The following PRKAG2 variants were observed in gnomAD, a reference collection of about 807,000 sequenced individuals.
PRKAG2 encodes the protein 5'-AMP-activated protein kinase subunit gamma-2.
In PRKAG2, 26 loss-of-function variants were observed where a neutral mutation model predicts 69.6. The ratio of observed to expected loss-of-function variants is 0.37; its 90% CI spans 0.27 to 0.52. The LOEUF is 0.52. Ranked by LOEUF, PRKAG2 falls within the 20% of genes least tolerant of loss-of-function variation. The pLI is 0.90. For missense variants in PRKAG2, 557 were observed against 740.0 expected, an observed-to-expected ratio of 0.75 and a Z score of 2.87; for synonymous variants, 293 against 285.0, an observed-to-expected ratio of 1.03 and a Z score of -0.28.
At chr7:151,575,549 G>C (rs899025974) in intron 7 of PRKAG2, among the ~76,000 whole-genome samples, 1 of 152,204 alleles carries the variant, frequency 6.6e-6, no homozygotes, top group African/African-American at 2.4e-5. Flanking sequence ...GATAAGTAAC[G>C]ATGGCATTTA....
At chr7:151,685,415 TATA>T (rs1435333430) in intron 3 of PRKAG2, among the ~76,000 whole-genome samples, 1 of 152,222 alleles carries the variant, frequency 6.6e-6, no homozygotes, top group Admixed American at 6.5e-5. Flanking sequence ...GTGTTTAACA[TATA>T]ATGAGTTTAT....
chr7:151,645,574 A>G (rs1183537040), intron 4 of PRKAG2, among the ~76,000 whole-genome samples: 1 of 152,154 alleles, frequency 6.6e-6, no homozygotes, highest in Non-Finnish European at 1.5e-5. Context: ...TAGATAATAC[A>G]ATGGGTTTTA....
At chr7:151,747,974 T>C (rs1354248214) in intron 3 of PRKAG2, among the ~76,000 whole-genome samples, 1 of 148,998 alleles carries the variant, frequency 6.7e-6, no homozygotes, top group Non-Finnish European at 1.5e-5. Flanking sequence ...CGGGGTTGAG[T>C]GCTGTGGCAC....
At chr7:151,729,231 A>G (rs1798518108) in intron 3 of PRKAG2, among the ~76,000 whole-genome samples, 1 of 152,118 alleles carries the variant, frequency 6.6e-6, no homozygotes, top group Admixed American at 6.5e-5. Flanking sequence ...AATTGTGTGA[A>G]CACTGTCCCA....
At chr7:151,670,528 C>T (rs2151459997) in intron 4 of PRKAG2, among the ~76,000 whole-genome samples, 1 of 152,306 alleles carries the variant, frequency 6.6e-6, no homozygotes, top group South Asian at 2.1e-4. Context: ...TATTGCTTTT[C>T]CCTGTTGAAA....
chr7:151,796,454 G>A (rs139281618), intron 1 of PRKAG2, among the ~76,000 whole-genome samples: 14 of 152,324 alleles, frequency 9.2e-5, no homozygotes, highest in Non-Finnish European at 1.9e-4. Flanking sequence ...AGTACGTGAA[G>A]GGCAATCACA....
intron 1 of PRKAG2, among the ~76,000 whole-genome samples, chr7:151,815,329 G>A (rs1179851981): frequency 6.6e-6 from 1 of 152,140 alleles, no homozygotes; most frequent in Non-Finnish European, 1.5e-5. Context: ...TGCCCTCCCA[G>A]GGCTGGGCAA....
intron 5 of PRKAG2, among the ~76,000 whole-genome samples, chr7:151,624,933 G>A (rs543983601): frequency 6.6e-6 from 1 of 152,320 alleles, no homozygotes; most frequent in African/African-American, 2.4e-5. Flanking sequence ...AAGCCTAGGT[G>A]CCACAGTAAA....
At chr7:151,785,832 GC>G (rs549585455) in intron 2 of PRKAG2, among the ~76,000 whole-genome samples, 139 of 152,128 alleles carry the variant, frequency 9.1e-4, no homozygotes, top group Non-Finnish European at 1.8e-3. Flanking sequence ...CTCACCTGAT[GC>G]TGTGGCTCCC....
chr7:151,876,668 C>T lies in PRKAG2; in HGVS notation c.-48G>A. 1 of 1,547,286 alleles carries T rather than the reference C, an allele frequency of 6.5e-7. No individual in the cohort carries two copies. The highest frequency in any genetic ancestry group is 8.8e-7 in the Non-Finnish European group (1 of 1,131,970). ...TGCGAAACTCCTCGGGGGTTCGGTC[C>T]CCTCCTTCCCTCCCCCGGCCGCTGC... On this transcript the variant is annotated 5_prime_UTR_variant, in exon 1 of 16. Transcript: ENST00000287878.
chr7:151,622,965 T>C (rs1482123171), intron 5 of PRKAG2, among the ~76,000 whole-genome samples: 2 of 152,104 alleles, frequency 1.3e-5, no homozygotes, highest in Non-Finnish European at 2.9e-5. Flanking sequence ...CCCAACCTTT[T>C]TGGGAGGGAC....
intron 3 of PRKAG2, among the ~76,000 whole-genome samples, chr7:151,703,981 G>T (rs913393812): frequency 1.7e-4 from 26 of 151,344 alleles, no homozygotes; most frequent in Non-Finnish European, 3.1e-4. Context: ...AGAATCACTT[G>T]AACCTGGGGG....
chr7:151,701,798 G>C (rs1186297318), intron 3 of PRKAG2, among the ~76,000 whole-genome samples: 1 of 148,482 alleles, frequency 6.7e-6, no homozygotes, highest in African/African-American at 2.6e-5. Flanking sequence ...AGCCGAGATT[G>C]CGCCACTGCA....
At chr7:151,822,546 AG>A (rs1248422906) in intron 1 of PRKAG2, among the ~76,000 whole-genome samples, 1 of 152,192 alleles carries the variant, frequency 6.6e-6, no homozygotes, top group Non-Finnish European at 1.5e-5. Context: ...TGGGCTGCAC[AG>A]CTGAGACTGT....
intron 3 of PRKAG2, among the ~76,000 whole-genome samples, chr7:151,683,285 A>C (rs1240837107): frequency 1.3e-5 from 2 of 152,142 alleles, no homozygotes; most frequent in Non-Finnish European, 2.9e-5. Context: ...AAGGGAACTG[A>C]GCCCTGCTGG....
At chr7:151,822,244 T>G (rs1428441973) in intron 1 of PRKAG2, among the ~76,000 whole-genome samples, 1 of 152,094 alleles carries the variant, frequency 6.6e-6, no homozygotes, top group Non-Finnish European at 1.5e-5. Context: ...GCCACCGCCC[T>G]AGGAGGCCTC....
intron 5 of PRKAG2, among the ~76,000 whole-genome samples, chr7:151,613,695 G>A (rs763755341): frequency 3.3e-5 from 5 of 150,946 alleles, no homozygotes; most frequent in African/African-American, 9.8e-5. Context: ...ATGGGGTTTC[G>A]CCACGTTGGT....
In PRKAG2 at chr7:151,780,258, T is replaced by G. The variant is rs1384298756; in HGVS notation, c.466+894A>C. Among the ~76,000 whole-genome samples the G allele has an allele frequency of 6.6e-6, 1 of 152,148 alleles. No individual in the cohort carries two copies. Among genetic ancestry groups the G allele is most frequent in the South Asian group, 2.1e-4 (1 of 4,828 alleles). On this transcript the variant is annotated intron_variant, in intron 3 of 15. Coordinates refer to ENST00000287878, the MANE Select transcript of PRKAG2 (RefSeq NM_016203.4). The surrounding 1 kb of genome is among the most constrained non-coding windows in gnomAD (Gnocchi z 4.2). ...AGTTCGAAGTCAGAAACACCGAAAT[T>G]CCCCTCTTGCTGCCGCCTGGCCTTG...
At chr7:151,677,675 A>G (rs1018536588) in intron 3 of PRKAG2, among the ~76,000 whole-genome samples, 2 of 152,268 alleles carry the variant, frequency 1.3e-5, no homozygotes, top group African/African-American at 4.8e-5. Context: ...GTAACAGACC[A>G]TAGCCTACAT....
Sources: allele counts gnomAD v4.1 joint callset (sites outside exome capture counted in the v4.1 genomes callset), GRCh38; gene constraint gnomAD v4.1.1; non-coding constraint Gnocchi (gnomAD v3.1); transcripts MANE v1.5; gene names NCBI Gene and HGNC (gene_info 2026-07-23, HGNC 2026-07-21).